The following ANKRD30A variants were observed in gnomAD, a reference collection of about 807,000 sequenced individuals.
ANKRD30A encodes the protein ankyrin repeat domain-containing protein 30A.
A neutral mutation model predicts 166.3 loss-of-function variants in ANKRD30A; 170 were observed. That is an observed-to-expected ratio of 1.02 (90% confidence interval 0.90 to 1.16). The LOEUF is 1.16. Among genes scored for constraint, ANKRD30A ranks in the 50% most tolerant of loss-of-function variants. ANKRD30A has a pLI of 0.00. For synonymous variants in ANKRD30A, 564 were observed against 508.9 expected (o/e 1.11, Z -1.46); for missense variants, 1,630 against 1,518.0 (o/e 1.07, Z -1.23).
chr10:37,210,187 C>A (rs1223931789), intron 31 of ANKRD30A, among the ~76,000 whole-genome samples: 2 of 152,072 alleles, frequency 1.3e-5, no homozygotes, highest in Non-Finnish European at 2.9e-5. Context: ...TGTTCAACTC[C>A]CACTTATGAG....
At chr10:37,260,360 C>T in the ANKRD30A span, among the ~76,000 whole-genome samples, 1 of 152,152 alleles carries the variant, frequency 6.6e-6, no homozygotes, top group Non-Finnish European at 1.5e-5. Flanking sequence ...GCTCCAGGCT[C>T]TATTTTCCAC....
At chr10:37,136,108 T>C (rs529750196) in intron 5 of ANKRD30A, among the ~76,000 whole-genome samples, 1 of 100,738 alleles carries the variant, frequency 9.9e-6, no homozygotes, top group African/African-American at 4.2e-5. Context: ...TTGGGTTTTA[T>C]TGGGATTTTA....
At chr10:37,242,191 A>T in the ANKRD30A span, 140 of 152,306 alleles carry the variant, frequency 9.2e-4, no homozygotes, top group African/African-American at 3.1e-3. Context: ...TCTTTAGAAG[A>T]TAAAGTTTAG....
At chr10:37,195,996 T>C (rs1374093262) in intron 27 of ANKRD30A, among the ~76,000 whole-genome samples, 4 of 151,202 alleles carry the variant, frequency 2.6e-5, no homozygotes, top group Non-Finnish European at 5.9e-5. Context: ...TAAGATACTA[T>C]CACTAAACAA....
chr10:37,196,160 T>C (rs1412822539), intron 27 of ANKRD30A, among the ~76,000 whole-genome samples: 3 of 144,414 alleles, frequency 2.1e-5, no homozygotes, highest in African/African-American at 7.7e-5. Flanking sequence ...CAAGAAAGAA[T>C]GTAGGCAGGT....
Position 37,216,357 on chromosome 10 carries a change from C to G in ANKRD30A, c.3046C>G (p.Gln1016Glu). 6.2e-7 allele frequency: 1 copy of G among 1,606,526 alleles called. No homozygotes were observed. Among genetic ancestry groups the G allele is most frequent in the South Asian group, 1.1e-5 (1 of 90,582 alleles). The change falls in exon 32 of 36, where the codon CAA (glutamine) becomes GAA (glutamate). Residue 1016 changes from glutamine (Q) to glutamate (E), a missense_variant. Coordinates refer to ENST00000361713, the MANE Select transcript of ANKRD30A (RefSeq NM_052997.3). ...AGAAATAAAATCACAGTTAGAGAAC[C>G]AAAAAGTTAAATGGGAACAAGAGCT... ...AKEIKSQLEN[Q>E]KVKWEQELCS...
downstream of ANKRD30A, among the ~76,000 whole-genome samples, chr10:37,233,324 T>A (rs1843536715): frequency 6.6e-6 from 1 of 152,132 alleles, no homozygotes; most frequent in African/African-American, 2.4e-5. Flanking sequence ...AAAACTGCAC[T>A]TCTGTGTACA....
chr10:37,145,590 G>A (rs945510919), intron 8 of ANKRD30A, among the ~76,000 whole-genome samples: 5 of 136,934 alleles, frequency 3.7e-5, no homozygotes, highest in African/African-American at 1.1e-4. Context: ...TCAGACACTT[G>A]TGTAGTACAG....
At chr10:37,247,514 T>G in the ANKRD30A span, among the ~76,000 whole-genome samples, 1 of 151,826 alleles carries the variant, frequency 6.6e-6, no homozygotes, top group Non-Finnish European at 1.5e-5. Flanking sequence ...AATGGACACA[T>G]AGAGAGGAAC....
At chr10:37,133,196 T>C (rs1183257083) in intron 4 of ANKRD30A, among the ~76,000 whole-genome samples, 1 of 152,124 alleles carries the variant, frequency 6.6e-6, no homozygotes, top group African/African-American at 2.4e-5. Context: ...TATTTTTAAT[T>C]TGTATGGGTA....
chr10:37,200,953 C>T (rs766346047), intron 30 of ANKRD30A, among the ~76,000 whole-genome samples: 3 of 151,962 alleles, frequency 2.0e-5, no homozygotes, highest in South Asian at 4.2e-4. Flanking sequence ...AAGAGAGATA[C>T]GTTTTGAAAT....
chr10:37,258,692 G>A, the ANKRD30A span, among the ~76,000 whole-genome samples: 1 of 150,614 alleles, frequency 6.6e-6, no homozygotes, highest in Non-Finnish European at 1.5e-5. Context: ...GGCCATGAGT[G>A]GTGGCTCATG....
chr10:37,200,792 AG>A (rs1841563385), intron 30 of ANKRD30A, among the ~76,000 whole-genome samples: 1 of 152,092 alleles, frequency 6.6e-6, no homozygotes, highest in African/African-American at 2.4e-5. Context: ...TCTTCATGAC[AG>A]GCATCATTTT....
chr10:37,130,818 C>A (rs1477502044), intron 3 of ANKRD30A, among the ~76,000 whole-genome samples: 1 of 152,142 alleles, frequency 6.6e-6, no homozygotes, highest in Non-Finnish European at 1.5e-5. Flanking sequence ...TCTAGCTTTA[C>A]ACAAAGCATA....
At chr10:37,236,413 G>A (rs1843677740), downstream of ANKRD30A, among the ~76,000 whole-genome samples, 1 of 152,158 alleles carries the variant, frequency 6.6e-6, no homozygotes, top group Non-Finnish European at 1.5e-5. Context: ...GCTTGACATG[G>A]CCACAGGAGC....
intron 15 of ANKRD30A, among the ~76,000 whole-genome samples, chr10:37,159,795 C>T (rs574967427): frequency 4.5e-4 from 68 of 152,088 alleles, no homozygotes; most frequent in African/African-American, 1.3e-3. Flanking sequence ...CCCGGGTTCA[C>T]GCCATTCTCC....
At chr10:37,196,998 A>G (rs1449620834) in intron 27 of ANKRD30A, among the ~76,000 whole-genome samples, 1 of 152,192 alleles carries the variant, frequency 6.6e-6, no homozygotes, top group African/African-American at 2.4e-5. Flanking sequence ...TTCCATGTTC[A>G]GCTTTGACAT....
At chr10:37,191,859 G>T (rs1840607842) in intron 25 of ANKRD30A, among the ~76,000 whole-genome samples, 1 of 151,926 alleles carries the variant, frequency 6.6e-6, no homozygotes, top group African/African-American at 2.4e-5. Context: ...GCCGGGCGTG[G>T]TGGTGGGTGC....
At chr10:37,235,848 C>G (rs1339709040), downstream of ANKRD30A, among the ~76,000 whole-genome samples, 1 of 149,364 alleles carries the variant, frequency 6.7e-6, no homozygotes, top group East Asian at 2.0e-4. Flanking sequence ...CGGCTCACTG[C>G]AAACTCTGCC....
Sources: gnomAD v4.1 joint callset for allele counts (sites outside exome capture counted in the v4.1 genomes callset) on GRCh38, gnomAD v4.1.1 for gene constraint, MANE v1.5 for transcripts, NCBI Gene and HGNC (gene_info 2026-07-23, HGNC 2026-07-21) for gene names.